Variants in DNAH14 observed in about 807,000 individuals in gnomAD.
The protein encoded by DNAH14 is dynein axonemal heavy chain 14, also known as axonemal beta dynein heavy chain 14.
In DNAH14, 478 loss-of-function variants were observed where a neutral mutation model predicts 520.9. The observed-to-expected ratio is 0.92, with a 90% CI of 0.85 to 0.99. The LOEUF (loss-of-function observed/expected upper bound fraction) is 0.99. DNAH14 is among the 50% of genes least tolerant of loss of function. The pLI, the probability that DNAH14 is intolerant of heterozygous loss-of-function variation, is 0.00. For missense variants in DNAH14, 4,831 were observed against 5,234.5 expected, an observed-to-expected ratio of 0.92 and a Z score of 2.38; for synonymous variants, 1,581 against 1,757.2, an observed-to-expected ratio of 0.90 and a Z score of 2.51.
intron 10 of DNAH14, among the ~76,000 whole-genome samples, chr1:225,011,809 C>A (rs991651015): frequency 1.5e-5 from 2 of 131,306 alleles, no homozygotes; most frequent in Admixed American, 7.8e-5. Flanking sequence ...CTTGGTACAT[C>A]TTCCTCCATC....
chr1:225,034,293 CT>C (rs1202785480), intron 11 of DNAH14, among the ~76,000 whole-genome samples: 1 of 151,994 alleles, frequency 6.6e-6, no homozygotes, highest in Non-Finnish European at 1.5e-5. Flanking sequence ...TATTGAAAGC[CT>C]TTTTTGCATC....
intron 77 of DNAH14, among the ~76,000 whole-genome samples, chr1:225,372,143 C>T (rs182574598): frequency 1.3e-3 from 191 of 152,226 alleles, no homozygotes; most frequent in Non-Finnish European, 2.3e-3. Flanking sequence ...TATGGGAAGG[C>T]TTCCCATATC....
At chr1:225,109,335 G>A (rs1192665393) in intron 23 of DNAH14, among the ~76,000 whole-genome samples, 2 of 151,916 alleles carry the variant, frequency 1.3e-5, no homozygotes, top group Non-Finnish European at 2.9e-5. Context: ...ATTGATTCTT[G>A]CAATTCATGT....
At chr1:225,008,149 C>A (rs2064342320) in intron 10 of DNAH14, among the ~76,000 whole-genome samples, 1 of 152,022 alleles carries the variant, frequency 6.6e-6, no homozygotes, top group African/African-American at 2.4e-5. Flanking sequence ...TGTTCATCTC[C>A]AACTTATGAG....
intron 26 of DNAH14, among the ~76,000 whole-genome samples, 198 bp downstream of exon 26, chr1:225,119,492 T>G (rs1397655815): frequency 6.6e-6 from 1 of 152,138 alleles, no homozygotes; most frequent in Admixed American, 6.5e-5. Context: ...TGGAAAATAA[T>G]CACTTTTACA....
rs1329704646 is a variant in DNAH14 at position 225,153,834 on chromosome 1, G to A, written c.5273+8G>A. 6.5e-7 allele frequency: 1 copy of A among 1,545,620 alleles called. No individual in the cohort carries two copies. The highest frequency in any genetic ancestry group is 1.4e-5 in the African/African-American group (1 of 72,830). ...GAAACGGGAGTTTAAATGGTCAGTTGAATTTTGAATTGTTAGGTCAAAGGG... is the reference window on the plus strand; with the variant it reads ...GAAACGGGAGTTTAAATGGTCAGTTAAATTTTGAATTGTTAGGTCAAAGGG... On this transcript the variant is annotated splice_region_variant and intron_variant, in intron 34 of 85. Transcript: ENST00000682510.
chr1:225,316,357 G>A (rs941701096), intron 60 of DNAH14, among the ~76,000 whole-genome samples: 7 of 152,130 alleles, frequency 4.6e-5, no homozygotes, highest in Non-Finnish European at 8.8e-5. Flanking sequence ...CCAGGGGAGT[G>A]AATGGTTCTG....
chr1:225,084,598 G>A (rs2073521378), intron 20 of DNAH14, among the ~76,000 whole-genome samples: 1 of 151,908 alleles, frequency 6.6e-6, no homozygotes. Flanking sequence ...GAGCTCAATG[G>A]TATGCATATG....
intron 41 of DNAH14, among the ~76,000 whole-genome samples, chr1:225,223,351 G>C (rs2090234669): frequency 1.3e-5 from 2 of 152,278 alleles, no homozygotes; most frequent in Admixed American, 1.3e-4. Flanking sequence ...CCTCTTTCTA[G>C]TAATGGCCAC....
intron 21 of DNAH14, 116 bp downstream of exon 21, chr1:225,085,905 T>A: frequency 9.6e-7 from 1 of 1,041,376 alleles, no homozygotes; most frequent in Non-Finnish European, 1.3e-6. Context: ...TATACTTATA[T>A]AAAAATTACA....
intron 27 of DNAH14, among the ~76,000 whole-genome samples, chr1:225,132,887 TA>T (rs1172496270): frequency 6.6e-6 from 1 of 152,174 alleles, no homozygotes; most frequent in Non-Finnish European, 1.5e-5. Flanking sequence ...CACCAGCATC[TA>T]TTTTTTGACT....
At chr1:225,355,135 T>C (rs762285775) in intron 73 of DNAH14, among the ~76,000 whole-genome samples, 1 of 152,202 alleles carries the variant, frequency 6.6e-6, no homozygotes, top group Non-Finnish European at 1.5e-5. Flanking sequence ...GGAAATGTAC[T>C]GCTCACCACT....
intron 78 of DNAH14, among the ~76,000 whole-genome samples, chr1:225,377,012 C>A (rs2095709556): frequency 6.6e-6 from 1 of 151,458 alleles, no homozygotes. Context: ...GAAAGTTATA[C>A]ATGCATATCA....
chr1:225,184,860 A>G (rs1466964451), intron 36 of DNAH14, among the ~76,000 whole-genome samples: 1 of 152,080 alleles, frequency 6.6e-6, no homozygotes. Context: ...GAATAAGACA[A>G]GGATGCCCAC....
chr1:225,275,443 A>G (rs1415311584), intron 52 of DNAH14, among the ~76,000 whole-genome samples: 2 of 152,232 alleles, frequency 1.3e-5, no homozygotes, highest in African/African-American at 4.8e-5. Flanking sequence ...CAGACTTCAA[A>G]TAAGAGGTAG....
chr1:225,141,022 G>A lies in DNAH14; in HGVS notation c.4508+1G>A, dbSNP rs898487804. 7 of 1,535,036 alleles carry A rather than the reference G, an allele frequency of 4.6e-6. No individual in the cohort carries two copies. In the African/African-American group the frequency reaches 6.9e-5, roughly 15 times the overall value. ...ATGCAGAGGATTTTGAGTGGACAAG[G>A]TAGGTGGATCTAAATTATAACTACA... is the stretch of plus-strand genomic sequence containing the variant. On this transcript the variant is annotated splice_donor_variant, in intron 28 of 85. Transcript: ENST00000682510. LOFTEE classifies it high-confidence loss of function.
At chr1:225,039,097 G>A (rs2067219947) in intron 12 of DNAH14, among the ~76,000 whole-genome samples, 1 of 152,108 alleles carries the variant, frequency 6.6e-6, no homozygotes, top group Non-Finnish European at 1.5e-5. Flanking sequence ...ACAGCAGTGG[G>A]CATACCAAAT....
At chr1:225,156,155 T>C (rs1451305632) in intron 34 of DNAH14, among the ~76,000 whole-genome samples, 1 of 151,890 alleles carries the variant, frequency 6.6e-6, no homozygotes, top group Non-Finnish European at 1.5e-5. Flanking sequence ...CATCCCTCCC[T>C]TTTTTTTCTA....
chr1:225,054,928 T>A (rs764936026), intron 17 of DNAH14, among the ~76,000 whole-genome samples: 3 of 152,168 alleles, frequency 2.0e-5, no homozygotes, highest in Non-Finnish European at 4.4e-5. Flanking sequence ...GAGAAATCAA[T>A]CTGTTAGCTT....
Sources: allele counts gnomAD v4.1 joint callset (sites outside exome capture counted in the v4.1 genomes callset), GRCh38; gene constraint gnomAD v4.1.1; transcripts MANE v1.5; gene names NCBI Gene and HGNC (gene_info 2026-07-23, HGNC 2026-07-21).